Variants in SERGEF observed in about 807,000 individuals in gnomAD.
SERGEF encodes secretion regulating guanine nucleotide exchange factor, also known as secretion-regulating guanine nucleotide exchange factor.
A neutral mutation model predicts 50.0 loss-of-function variants in SERGEF; 51 were observed. The observed-to-expected ratio is 1.02, with a 90% CI of 0.81 to 1.29. SERGEF has a LOEUF of 1.29. Among genes scored for constraint, SERGEF ranks in the 50% most tolerant of loss-of-function variants. The pLI is 0.00. For missense variants in SERGEF, 521 were observed against 557.0 expected, an observed-to-expected ratio of 0.94 and a Z score of 0.65; for synonymous variants, 205 against 212.4, an observed-to-expected ratio of 0.97 and a Z score of 0.30.
chr11:17,815,442 A>C (rs888099949), intron 10 of SERGEF, among the ~76,000 whole-genome samples: 4 of 150,194 alleles, frequency 2.7e-5, no homozygotes, highest in Non-Finnish European at 4.4e-5. Context: ...CTACTAAAAA[A>C]AAAAAAAAAA....
chr11:17,822,912 C>A (rs7106840), intron 10 of SERGEF, among the ~76,000 whole-genome samples: 5 of 152,136 alleles, frequency 3.3e-5, no homozygotes, highest in Non-Finnish European at 5.9e-5. Context: ...ATCCCTCCCC[C>A]AGTTTCCCCC....
intron 8 of SERGEF, among the ~76,000 whole-genome samples, chr11:17,986,754 G>A (rs1346575859): frequency 6.6e-6 from 1 of 152,218 alleles, no homozygotes; most frequent in Non-Finnish European, 1.5e-5. Flanking sequence ...TTGGAAGACT[G>A]ACTAACCATG....
intron 9 of SERGEF, among the ~76,000 whole-genome samples, chr11:17,928,217 C>T (rs774512777): frequency 1.3e-5 from 2 of 152,294 alleles, no homozygotes; most frequent in South Asian, 4.1e-4. Context: ...AGCATTTCTC[C>T]CGGCCTCACC....
At chr11:17,938,408 G>A (rs1354427447) in intron 9 of SERGEF, among the ~76,000 whole-genome samples, 1 of 152,152 alleles carries the variant, frequency 6.6e-6, no homozygotes, top group Non-Finnish European at 1.5e-5. Flanking sequence ...AAAAGTGAGA[G>A]GCAAAGTGAC....
intron 10 of SERGEF, among the ~76,000 whole-genome samples, chr11:17,800,459 C>T (rs528314581): frequency 6.6e-6 from 1 of 152,154 alleles, no homozygotes; most frequent in Non-Finnish European, 1.5e-5. Context: ...ACTTATTTAT[C>T]TTTTCATCTG....
In SERGEF at chr11:17,982,005, A is replaced by C. The variant is rs568750471; in HGVS notation, c.844+6592T>G. Among the ~76,000 whole-genome samples the C allele has an allele frequency of 2.0e-5, 3 of 152,114 alleles. No individual in the cohort carries two copies. The South Asian group carries it at 6.2e-4, about 32-fold the overall frequency. On this transcript the variant is annotated intron_variant, in intron 8 of 10. Coordinates refer to ENST00000265965, the MANE Select transcript of SERGEF (RefSeq NM_012139.4). ...TTTGTTGTAGAGACAGAGTTTTGCC[A>C]TACTGCCCAGGCTGATCTCAAACTC...
intron 9 of SERGEF, among the ~76,000 whole-genome samples, chr11:17,945,477 C>T (rs1590211695): frequency 1.3e-5 from 2 of 152,328 alleles, no homozygotes; most frequent in South Asian, 4.1e-4. Context: ...CAGTCGGTTA[C>T]TTTAACCATA....
chr11:17,880,266 T>C lies in SERGEF; in HGVS notation c.1012-2022A>G, dbSNP rs541615253. ...TTGACCTGAGGGCTCCCACTATGCC[T>C]CACTCAGGACCATATATGCAGCACA... On this transcript the variant is annotated intron_variant, in intron 9 of 10. Transcript: ENST00000265965. Among the ~76,000 whole-genome samples the C allele has an allele frequency of 2.6e-5, 4 of 152,332 alleles. No individual in the cohort carries two copies. In the East Asian group the frequency reaches 7.7e-4, roughly 29 times the overall value.
chr11:17,918,662 A>ACTCT lies in SERGEF; in HGVS notation c.1012-40422_1012-40419dup, dbSNP rs143834429. Reference sequence around the variant, plus strand: ...CACACACACACACACATACACACACACTCTCTCTCTCTCTCTCTTTCTCTC... The same window carrying ACTCT: ...CACACACACACACACATACACACACACTCTCTCTCTCTCTCTCTCTCTTTCTCTC... On this transcript the variant is annotated intron_variant, in intron 9 of 10. Transcript: ENST00000265965. 5.2e-3 allele frequency: 2,163 copies of ACTCT among 413,752 alleles called. 36 individuals are homozygous for ACTCT. Among genetic ancestry groups the ACTCT allele is most frequent in the African/African-American group, 0.04 (1,934 of 48,288 alleles). 25.6% of individuals were successfully genotyped at this position (413,752 alleles called of 1,614,324 possible).
intron 8 of SERGEF, among the ~76,000 whole-genome samples, chr11:17,981,973 T>A (rs1853504442): frequency 2.6e-5 from 4 of 151,928 alleles, no homozygotes; most frequent in Admixed American, 2.6e-4. Flanking sequence ...GATAATTTTT[T>A]TTATATTTTG....
chr11:17,806,721 T>C (rs780372535), intron 10 of SERGEF, among the ~76,000 whole-genome samples: 12 of 152,030 alleles, frequency 7.9e-5, no homozygotes, highest in Non-Finnish European at 1.6e-4. Context: ...TGAAGTGAGG[T>C]GAGGCCGTCA....
intron 10 of SERGEF, among the ~76,000 whole-genome samples, chr11:17,874,044 A>G (rs1477374397): frequency 1.3e-5 from 2 of 152,216 alleles, no homozygotes; most frequent in Non-Finnish European, 1.5e-5. Context: ...TGATGGCCAC[A>G]TGCCCTCAGT....
intron 9 of SERGEF, among the ~76,000 whole-genome samples, chr11:17,958,214 C>T (rs1050485816): frequency 6.6e-6 from 1 of 152,136 alleles, no homozygotes; most frequent in Admixed American, 6.5e-5. Flanking sequence ...GGAGGCCAGG[C>T]AGGGCCCTGG....
chr11:17,916,930 G>C (rs11024431), intron 9 of SERGEF, among the ~76,000 whole-genome samples: 2 of 152,154 alleles, frequency 1.3e-5, no homozygotes, highest in Non-Finnish European at 2.9e-5. Flanking sequence ...ATTTGAATAC[G>C]GATGCAGTGA....
At chr11:17,926,631 C>T (rs1454997878) in intron 9 of SERGEF, 1 of 403,158 alleles carries the variant, frequency 2.5e-6, no homozygotes, top group Non-Finnish European at 5.0e-6. Flanking sequence ...TTCTAGAAAC[C>T]ATGCCCTCCT....
At chr11:17,849,216 A>G (rs910114219) in intron 10 of SERGEF, among the ~76,000 whole-genome samples, 3 of 152,182 alleles carry the variant, frequency 2.0e-5, no homozygotes, top group Non-Finnish European at 4.4e-5. Flanking sequence ...TGTTCTAGCC[A>G]AGCTGAGCAA....
At chr11:17,903,290 C>A (rs1280250215) in intron 9 of SERGEF, among the ~76,000 whole-genome samples, 2 of 129,812 alleles carry the variant, frequency 1.5e-5, no homozygotes, top group African/African-American at 5.7e-5. Flanking sequence ...TGAAGAAAAA[C>A]CTGGCAAAAA....
Position 17,955,948 on chromosome 11 carries a change from T to G in SERGEF, c.1011+3522A>C, listed in dbSNP as rs1018039611. On this transcript the variant is annotated intron_variant, in intron 9 of 10. Transcript: ENST00000265965. ...TGGAAAGTAGAGAGCTGCTGGGGTA[T>G]ACATGTGCAGTCAAGCAGCAAACAA... Among the ~76,000 whole-genome samples, 4 of 152,298 alleles carry G rather than the reference T, an allele frequency of 2.6e-5. No individual in the cohort carries two copies. In the East Asian group the frequency reaches 5.8e-4, roughly 22 times the overall value.
chr11:17,924,680 G>A (rs1852218121), intron 9 of SERGEF, among the ~76,000 whole-genome samples: 1 of 148,748 alleles, frequency 6.7e-6, no homozygotes. Context: ...GAGAAGAAAA[G>A]AATGGAGATG....
Sources: allele counts gnomAD v4.1 joint callset (sites outside exome capture counted in the v4.1 genomes callset), GRCh38; gene constraint gnomAD v4.1.1; transcripts MANE v1.5; gene names NCBI Gene and HGNC (gene_info 2026-07-23, HGNC 2026-07-21).